SLC9A2: variants seen among roughly 807,000 people sequenced by gnomAD.
SLC9A2 encodes the protein solute carrier family 9 member A2.
In SLC9A2, 42 loss-of-function variants were observed where a neutral mutation model predicts 71.7. The observed-to-expected ratio is 0.59, with a 90% CI of 0.46 to 0.76. The LOEUF is 0.76. SLC9A2 is among the 30% of genes least tolerant of loss of function. The pLI is 0.00. For synonymous variants in SLC9A2, 396 were observed against 392.5 expected (o/e 1.01, Z -0.10); for missense variants, 829 against 1,017.4 (o/e 0.81, Z 2.52).
In SLC9A2 at chr2:102,657,929, C is replaced by T. The variant is rs1158866172; in HGVS notation, c.655C>T (p.Pro219Ser). ...LFGSLISAVDPVAVLAVFENI... is the reference protein window; with the variant it reads ...LFGSLISAVDSVAVLAVFENI... ...TGGCAGCTTAATCTCAGCTGTCGAT[C>T]CTGTGGCTGTGCTTGCTGTCTTTGA... is the stretch of plus-strand genomic sequence containing the variant. Residue 219 changes from proline (P) to serine (S), a missense_variant, in exon 2 of 12, where the codon CCT becomes TCT. Pro to Ser is a moderately conservative substitution (Grantham distance 74). Transcript: ENST00000233969. 1 of 1,614,104 alleles carries T rather than the reference C, an allele frequency of 6.2e-7. No homozygotes were observed. The highest frequency in any genetic ancestry group is 8.5e-7 in the Non-Finnish European group (1 of 1,180,052).
chr2:102,624,498 G>T (rs1417408990), intron 1 of SLC9A2, among the ~76,000 whole-genome samples: 1 of 152,120 alleles, frequency 6.6e-6, no homozygotes, highest in African/African-American at 2.4e-5. Flanking sequence ...TGGCCTACTG[G>T]GGTTTTTGCT....
At chr2:102,681,888 C>T (rs184907101) in intron 3 of SLC9A2, among the ~76,000 whole-genome samples, 8 of 152,280 alleles carry the variant, frequency 5.3e-5, no homozygotes, top group African/African-American at 1.9e-4. Flanking sequence ...GAGACGTGTT[C>T]GTGGTGACCT....
chr2:102,664,527 G>A (rs887923256), intron 2 of SLC9A2, among the ~76,000 whole-genome samples: 10 of 151,786 alleles, frequency 6.6e-5, no homozygotes, highest in Non-Finnish European at 1.2e-4. Flanking sequence ...CTTTGGGTGT[G>A]TCTCAGTTAC....
chr2:102,630,743 C>A (rs1676340323), intron 1 of SLC9A2, among the ~76,000 whole-genome samples: 16 of 151,536 alleles, frequency 1.1e-4, no homozygotes. Flanking sequence ...TTCATTTAAG[C>A]TGTTTGGGCC....
At chr2:102,626,451 C>T (rs573228019) in intron 1 of SLC9A2, among the ~76,000 whole-genome samples, 82 of 152,272 alleles carry the variant, frequency 5.4e-4, no homozygotes, top group African/African-American at 1.9e-3. Flanking sequence ...AAATGTTAGA[C>T]CTAAAACCAT....
At chr2:102,684,007 G>A (rs1297314948) in intron 4 of SLC9A2, 127 bp from the exon 5 acceptor site, 3 of 676,390 alleles carry the variant, frequency 4.4e-6, no homozygotes, top group East Asian at 5.4e-5. Context: ...AGAGAAAAAG[G>A]GGAAAGACTT....
At chr2:102,629,388 ATC>A (rs1407498060) in intron 1 of SLC9A2, among the ~76,000 whole-genome samples, 2 of 151,848 alleles carry the variant, frequency 1.3e-5, no homozygotes, top group African/African-American at 4.8e-5. Context: ...TTTTTTCCAT[ATC>A]TGTTTTCTAT....
chr2:102,669,393 T>C (rs1177521399), intron 3 of SLC9A2, among the ~76,000 whole-genome samples: 4 of 152,228 alleles, frequency 2.6e-5, no homozygotes, highest in African/African-American at 9.6e-5. Flanking sequence ...GATATTCTTC[T>C]ACTCATTTCT....
intron 1 of SLC9A2, among the ~76,000 whole-genome samples, chr2:102,651,759 C>G (rs867076594): frequency 6.6e-6 from 1 of 152,292 alleles, no homozygotes; most frequent in South Asian, 2.1e-4. Context: ...TTGCTACACC[C>G]CAGCACCTGA....
chr2:102,650,366 C>G (rs1676808348), intron 1 of SLC9A2, among the ~76,000 whole-genome samples: 1 of 152,010 alleles, frequency 6.6e-6, no homozygotes, highest in African/African-American at 2.4e-5. Context: ...GGACAAATAC[C>G]TAATGGAAGT....
intron 3 of SLC9A2, among the ~76,000 whole-genome samples, chr2:102,672,609 G>T (rs981565186): frequency 1.3e-5 from 2 of 152,132 alleles, no homozygotes; most frequent in Admixed American, 1.3e-4. Flanking sequence ...TTCTTCTGAA[G>T]TGGCTTGTGA....
intron 10 of SLC9A2, among the ~76,000 whole-genome samples, chr2:102,705,390 C>A (rs756681193): frequency 6.6e-6 from 1 of 151,404 alleles, no homozygotes; most frequent in Non-Finnish European, 1.5e-5. Context: ...CTAGCGACTG[C>A]GGTATTTGAA....
At chr2:102,684,360 A>T in intron 5 of SLC9A2, 24 bp downstream of exon 5, 1 of 1,591,562 alleles carries the variant, frequency 6.3e-7, no homozygotes, top group Non-Finnish European at 8.6e-7. Flanking sequence ...TCCCTTTACC[A>T]GGAGGGTAAA....
chr2:102,633,741 C>G (rs1403913569), intron 1 of SLC9A2, among the ~76,000 whole-genome samples: 1 of 152,150 alleles, frequency 6.6e-6, no homozygotes, highest in African/African-American at 2.4e-5. Context: ...CCATGATGCA[C>G]AGAATACAGA....
intron 1 of SLC9A2, among the ~76,000 whole-genome samples, chr2:102,650,873 ACTT>A (rs899013219): frequency 6.6e-6 from 1 of 152,176 alleles, no homozygotes; most frequent in Non-Finnish European, 1.5e-5. Flanking sequence ...ATCGTCTGCC[ACTT>A]CTTCTAGCTA....
chr2:102,705,176 A>C (rs979970035), intron 10 of SLC9A2, among the ~76,000 whole-genome samples: 1 of 152,204 alleles, frequency 6.6e-6, no homozygotes, highest in African/African-American at 2.4e-5. Flanking sequence ...ACTGCACTCC[A>C]GCCTGGATGA....
At chr2:102,687,775 T>C (rs1677576296) in intron 5 of SLC9A2, among the ~76,000 whole-genome samples, 1 of 151,278 alleles carries the variant, frequency 6.6e-6, no homozygotes, top group Admixed American at 6.6e-5. Flanking sequence ...TATGGTGCTG[T>C]TTGGGGAATT....
At chr2:102,705,458 A>G (rs1314215577) in intron 10 of SLC9A2, among the ~76,000 whole-genome samples, 3 of 151,362 alleles carry the variant, frequency 2.0e-5, no homozygotes, top group Non-Finnish European at 2.9e-5. Flanking sequence ...TTTTTAAGAT[A>G]TATTAAAGTG....
At chr2:102,697,396 T>C (rs1427186220) in intron 7 of SLC9A2, 2 of 151,760 alleles carry the variant, frequency 1.3e-5, no homozygotes, top group African/African-American at 4.8e-5. Context: ...TAAGCACACA[T>C]CCAAAGGCTG....
Sources: gnomAD v4.1 joint callset for allele counts (sites outside exome capture counted in the v4.1 genomes callset) on GRCh38, gnomAD v4.1.1 for gene constraint, MANE v1.5 for transcripts, NCBI Gene and HGNC (gene_info 2026-07-23, HGNC 2026-07-21) for gene names.